Variants in HOMER2 observed in about 807,000 individuals in gnomAD.
HOMER2 encodes homer scaffold protein 2.
A neutral mutation model predicts 47.0 loss-of-function variants in HOMER2; 27 were observed. That is an observed-to-expected ratio of 0.57 (90% CI 0.42 to 0.79). HOMER2 has a LOEUF of 0.79. Ranked by LOEUF, HOMER2 falls within the 30% of genes least tolerant of loss-of-function variation. The pLI, the probability that HOMER2 is intolerant of heterozygous loss-of-function variation, is 0.00. For missense variants in HOMER2, 443 were observed against 435.0 expected (o/e 1.02, Z -0.16); for synonymous variants, 161 against 163.8 (o/e 0.98, Z 0.13).
intron 1 of HOMER2, among the ~76,000 whole-genome samples, chr15:82,921,117 A>G (rs1354680866): frequency 6.6e-6 from 1 of 152,132 alleles, no homozygotes; most frequent in Non-Finnish European, 1.5e-5. Flanking sequence ...CAACATGGGG[A>G]AACCCCATCT....
At chr15:82,875,159 A>T (rs931291090) in intron 3 of HOMER2, 114 bp downstream of exon 3, 15 of 1,285,282 alleles carry the variant, frequency 1.2e-5, no homozygotes, top group Non-Finnish European at 1.6e-5. Flanking sequence ...GAGGAGTGAA[A>T]CCAAAGACCA....
intron 8 of HOMER2, 101 bp from the exon 9 acceptor site, chr15:82,850,004 G>T: frequency 7.9e-7 from 1 of 1,263,312 alleles, no homozygotes; most frequent in Non-Finnish European, 1.1e-6. Context: ...CCAATCTGAG[G>T]GCCTGGGCCA....
intron 1 of HOMER2, among the ~76,000 whole-genome samples, chr15:82,983,385 C>G (rs2151265687): frequency 6.6e-6 from 1 of 152,302 alleles, no homozygotes; most frequent in African/African-American, 2.4e-5. Context: ...CTGGGTAGAG[C>G]CTCTCTTTCC....
chr15:82,957,422 T>C (rs560705112), upstream of HOMER2, among the ~76,000 whole-genome samples: 11 of 152,290 alleles, frequency 7.2e-5, no homozygotes, highest in Admixed American at 2.6e-4. Flanking sequence ...AAATTTTCAT[T>C]TATTGTGACT....
intron 6 of HOMER2, among the ~76,000 whole-genome samples, chr15:82,854,381 G>A (rs190316416): frequency 2.1e-4 from 32 of 152,204 alleles, no homozygotes; most frequent in Middle Eastern, 3.4e-3. Context: ...ACTCCAGCCT[G>A]GGTGACAGAG....
intron 1 of HOMER2, among the ~76,000 whole-genome samples, chr15:82,984,460 T>G (rs1051672203): frequency 6.6e-6 from 1 of 152,256 alleles, no homozygotes; most frequent in Non-Finnish European, 1.5e-5. Flanking sequence ...AAAACATTAC[T>G]TGGAATATTC....
chr15:82,893,573 C>T (rs1596328676), intron 1 of HOMER2, among the ~76,000 whole-genome samples: 2 of 151,196 alleles, frequency 1.3e-5, no homozygotes, highest in Admixed American at 1.3e-4. Flanking sequence ...CCTTGTGATC[C>T]GCCTGCCTCG....
At chr15:82,895,903 A>G (rs1165894033) in intron 1 of HOMER2, among the ~76,000 whole-genome samples, 6 of 152,066 alleles carry the variant, frequency 3.9e-5, no homozygotes, top group African/African-American at 1.4e-4. Flanking sequence ...ATTTTTAAGA[A>G]CTCCAGGTGA....
intron 1 of HOMER2, among the ~76,000 whole-genome samples, chr15:82,973,794 G>A (rs2030096875): frequency 6.6e-6 from 1 of 152,184 alleles, no homozygotes; most frequent in Admixed American, 6.5e-5. Flanking sequence ...GGCCAGGCAT[G>A]GTGGCTCATG....
chr15:82,899,827 A>G (rs1255083959), intron 1 of HOMER2, among the ~76,000 whole-genome samples: 1 of 152,142 alleles, frequency 6.6e-6, no homozygotes, highest in East Asian at 1.9e-4. Flanking sequence ...GTTTGAGACC[A>G]CCCTGGCCAA....
At chr15:82,958,349 G>C (rs1197628371) in exon 2 of HOMER2, 1 of 152,196 alleles carries the variant, frequency 6.6e-6, no homozygotes, top group African/African-American at 2.4e-5. Context: ...AGACACGGAG[G>C]CATTAAAGGC....
At chr15:82,956,307 G>A (rs1421991226), upstream of HOMER2, among the ~76,000 whole-genome samples, 1 of 151,866 alleles carries the variant, frequency 6.6e-6, no homozygotes, top group Non-Finnish European at 1.5e-5. Context: ...CATGAGGGGA[G>A]GGTTCCAAGC....
chr15:82,964,495 G>A (rs2054656555), intron 1 of HOMER2, among the ~76,000 whole-genome samples: 1 of 152,226 alleles, frequency 6.6e-6, no homozygotes, highest in African/African-American at 2.4e-5. Context: ...GCTAGGCATG[G>A]TGGCTCACGC....
intron 2 of HOMER2, among the ~76,000 whole-genome samples, chr15:82,889,838 G>A (rs1853830177): frequency 6.6e-6 from 1 of 152,234 alleles, no homozygotes; most frequent in South Asian, 2.1e-4. Context: ...GGCTGAATGT[G>A]CATTGGGACC....
intron 1 of HOMER2, among the ~76,000 whole-genome samples, chr15:82,900,030 T>TA (rs2053060360): frequency 6.6e-6 from 1 of 151,672 alleles, no homozygotes; most frequent in Admixed American, 6.6e-5. Flanking sequence ...CATCTCAAAA[T>TA]AAAAAATATA....
chr15:82,838,815 G>A (rs1423090488), exon 2 of HOMER2: 2 of 152,198 alleles, frequency 1.3e-5, no homozygotes, highest in African/African-American at 2.4e-5. Flanking sequence ...ACACTCACTT[G>A]AATGAAGGAA....
intron 1 of HOMER2, among the ~76,000 whole-genome samples, chr15:82,897,071 T>TTTTTC (rs1017770462): frequency 1.5e-5 from 2 of 130,444 alleles, no homozygotes; most frequent in African/African-American, 7.4e-5. Flanking sequence ...ATTTCTTTTT[T>TTTTTC]TTTTTTTTTT....
At chr15:82,946,588 C>T (rs2151229751) in intron 1 of HOMER2, among the ~76,000 whole-genome samples, 1 of 152,316 alleles carries the variant, frequency 6.6e-6, no homozygotes, top group African/African-American at 2.4e-5. Flanking sequence ...ATGCCTCCTT[C>T]TCAGTGAAGT....
chr15:82,923,713 C>T (rs562642618), intron 1 of HOMER2, among the ~76,000 whole-genome samples: 1 of 152,142 alleles, frequency 6.6e-6, no homozygotes, highest in African/African-American at 2.4e-5. Context: ...TGTGCACATA[C>T]CCACCCACAC....
Sources: allele counts gnomAD v4.1 joint callset (sites outside exome capture counted in the v4.1 genomes callset), GRCh38; gene constraint gnomAD v4.1.1; transcripts MANE v1.5; gene names NCBI Gene and HGNC (gene_info 2026-07-23, HGNC 2026-07-21).